Variants in KIF20B observed in about 807,000 individuals in gnomAD.
The protein encoded by KIF20B is kinesin-like protein KIF20B.
In KIF20B, 188 loss-of-function variants were observed where a neutral mutation model predicts 232.5. The observed-to-expected ratio is 0.81, with a 90% CI of 0.72 to 0.91. The LOEUF (loss-of-function observed/expected upper bound fraction) is 0.91, where lower values mean the gene tolerates loss of function less well. Ranked by LOEUF, KIF20B falls within the 40% of genes least tolerant of loss-of-function variation. The pLI is 0.00. For synonymous variants in KIF20B, 712 were observed against 683.0 expected, an observed-to-expected ratio of 1.04 and a Z score of -0.66; for missense variants, 2,154 against 2,055.9, an observed-to-expected ratio of 1.05 and a Z score of -0.92.
At chr10:89,702,820 T>C (rs1014394963) in intron 1 of KIF20B, among the ~76,000 whole-genome samples, 1 of 152,118 alleles carries the variant, frequency 6.6e-6, no homozygotes, top group Admixed American at 6.6e-5. Context: ...TAGGTAGTCT[T>C]TATCCCTGCA....
At chr10:89,748,104 G>C (rs750787134) in intron 23 of KIF20B, among the ~76,000 whole-genome samples, 6 of 152,172 alleles carry the variant, frequency 3.9e-5, no homozygotes, top group Non-Finnish European at 7.3e-5. Flanking sequence ...CCGCCTTCCT[G>C]GTTCAAGTGA....
In KIF20B at chr10:89,745,627, G is replaced by A. The variant is rs140688199; in HGVS notation, c.4036-272G>A. 3.2e-3 allele frequency among the ~76,000 whole-genome samples: 484 copies of A among 150,768 alleles called. 4 individuals are homozygous for A. The highest frequency in any genetic ancestry group is 0.011 in the African/African-American group (450 of 40,938). On this transcript the variant is annotated intron_variant, in intron 22 of 32. Coordinates refer to ENST00000371728, the MANE Select transcript of KIF20B (RefSeq NM_001284259.2). ...TTTTTATTTTTTGAGATGGAGTCTCGCTTTGTCGCCAGGCTGGAGTACAGT... is the reference window on the plus strand; with the variant it reads ...TTTTTATTTTTTGAGATGGAGTCTCACTTTGTCGCCAGGCTGGAGTACAGT...
Position 89,773,956 on chromosome 10 carries a change from A to C in KIF20B, c.5386-15A>C, listed in dbSNP as rs764038536. Reference sequence around the variant, plus strand: ...ACTTACAAGCTTTGAAAAACTATGAAATTTTTAATTTCAGATTTTAATGGA... The same window carrying C: ...ACTTACAAGCTTTGAAAAACTATGACATTTTTAATTTCAGATTTTAATGGA... On this transcript the variant is annotated splice_polypyrimidine_tract_variant and intron_variant, in intron 32 of 32. Coordinates refer to ENST00000371728, the MANE Select transcript of KIF20B (RefSeq NM_001284259.2). The C allele has an allele frequency of 4.7e-6, 7 of 1,491,696 alleles. No individual in the cohort carries two copies. The highest frequency in any genetic ancestry group is 5.5e-6 in the Non-Finnish European group (6 of 1,097,138). The allele number at this position is 1,491,696 out of a possible 1,614,324, so 92.4% of individuals were successfully genotyped here.
intron 23 of KIF20B, among the ~76,000 whole-genome samples, chr10:89,747,670 G>T (rs532334481): frequency 2.6e-5 from 4 of 151,924 alleles, no homozygotes; most frequent in African/African-American, 7.3e-5. Context: ...CTCACTCGTA[G>T]GTGGGAATTG....
intron 2 of KIF20B, among the ~76,000 whole-genome samples, chr10:89,706,314 G>C (rs1323444408): frequency 6.6e-6 from 1 of 151,954 alleles, no homozygotes; most frequent in Non-Finnish European, 1.5e-5. Context: ...ATTTAAATTA[G>C]GTTGTTTCAT....
At chr10:89,718,457 G>A (rs1265751643) in intron 11 of KIF20B, among the ~76,000 whole-genome samples, 1 of 152,234 alleles carries the variant, frequency 6.6e-6, no homozygotes, top group Non-Finnish European at 1.5e-5. Flanking sequence ...GCTACAGTGA[G>A]CTCTGATTGT....
At chr10:89,741,607 C>T (rs985678069) in intron 21 of KIF20B, among the ~76,000 whole-genome samples, 8 of 152,176 alleles carry the variant, frequency 5.3e-5, no homozygotes, top group African/African-American at 1.9e-4. Context: ...CTGTTTTTAA[C>T]TTCCATTTTG....
At chr10:89,705,194 A>T in intron 1 of KIF20B, 100 bp from the exon 2 acceptor site, 1 of 923,000 alleles carries the variant, frequency 1.1e-6, no homozygotes, top group Non-Finnish European at 1.7e-6. Context: ...TCTAAAATCT[A>T]GTTATTTGGA....
At chr10:89,771,466 G>A (rs965332441) in intron 31 of KIF20B, among the ~76,000 whole-genome samples, 17 of 151,932 alleles carry the variant, frequency 1.1e-4, no homozygotes, top group African/African-American at 3.9e-4. Context: ...TACCTGACAA[G>A]CTTCCCTTCC....
chr10:89,758,810 G>T lies in KIF20B; in HGVS notation c.4608G>T (p.Leu1536=), dbSNP rs1384977631. 6.2e-7 allele frequency: 1 copy of T among 1,606,502 alleles called. No individual in the cohort carries two copies. The highest frequency in any genetic ancestry group is 1.1e-5 in the South Asian group (1 of 89,978). ...CTTTAGAAATACAGCTAAAAGCACT[G>T]ATATCCAGTAATGTACAGAAAGATA... ...VAALEIQLKA[L]ISSNVQKDNE... Residue 1536 remains leucine, a synonymous_variant, in exon 27 of 33, where the codon CTG becomes CTT. Coordinates refer to ENST00000371728, the MANE Select transcript of KIF20B (RefSeq NM_001284259.2).
Position 89,758,750 on chromosome 10 carries a change from A to C in KIF20B, c.4548A>C (p.Gln1516His). The change falls in exon 27 of 33, where the codon CAA becomes CAC. Residue 1516 changes from glutamine to histidine, a missense_variant. Coordinates refer to ENST00000371728, the MANE Select transcript of KIF20B (RefSeq NM_001284259.2). ...AQLTEKDSDLQKWREERDQLV... is the reference protein window; with the variant it reads ...AQLTEKDSDLHKWREERDQLV... ...TGACAGAGAAAGATAGTGACCTTCA[A>C]AAGTGGCGAGAAGAACGAGATCAAC... 6.2e-7 allele frequency: 1 copy of C among 1,607,834 alleles called. No homozygotes were observed. The highest frequency in any genetic ancestry group is 8.5e-7 in the Non-Finnish European group (1 of 1,177,182).
chr10:89,715,322 T>C, intron 8 of KIF20B, 140 bp downstream of exon 8: 1 of 637,628 alleles, frequency 1.6e-6, no homozygotes, highest in South Asian at 1.9e-5. Context: ...AATTTTGTGC[T>C]TTGGAAGTAT....
In KIF20B at chr10:89,718,830, T is replaced by C. The variant is rs749205467; in HGVS notation, c.1392T>C (p.Asp464=). 1.9e-6 allele frequency: 3 copies of C among 1,606,316 alleles called. No individual in the cohort carries two copies. Among genetic ancestry groups the C allele is most frequent in the Admixed American group, 1.7e-5 (1 of 58,674 alleles). ...VNISQCYLAY[D]ETLNVLKFSA... ...TCAGCCAATGTTATTTAGCCTATGA[T>C]GAAACACTCAATGTATTGAAGTTCT... Residue 464 remains aspartate (D), a synonymous_variant, in exon 12 of 33, where the codon GAT becomes GAC. Transcript: ENST00000371728.
chr10:89,723,899 T>G (rs1843119461), intron 13 of KIF20B, 65 bp from the exon 14 acceptor site: 3 of 1,222,926 alleles, frequency 2.5e-6, no homozygotes, highest in Non-Finnish European at 2.2e-6. Context: ...TTTGAACAGT[T>G]GGACGGTATT....
At chr10:89,752,515 T>A (rs1842041482) in intron 24 of KIF20B, 52 bp from the exon 25 acceptor site, 1 of 1,393,094 alleles carries the variant, frequency 7.2e-7, no homozygotes, top group Admixed American at 2.2e-5. Context: ...TATCTCTACA[T>A]GGTATAACTT....
chr10:89,765,560 A>C (rs1474145922), intron 29 of KIF20B, among the ~76,000 whole-genome samples: 1 of 152,128 alleles, frequency 6.6e-6, no homozygotes, highest in Admixed American at 6.6e-5. Flanking sequence ...GGAACCAAAA[A>C]AGAGCCCGCA....
In KIF20B at chr10:89,738,270, T is replaced by G; in HGVS notation, c.3429T>G (p.Val1143=). The G allele has an allele frequency of 1.2e-6, 2 of 1,610,602 alleles. No homozygotes were observed. The highest frequency in any genetic ancestry group is 1.7e-6 in the Non-Finnish European group (2 of 1,179,102). Residue 1143 remains valine (V), a synonymous_variant, in exon 20 of 33, where the codon GTT becomes GTG. Coordinates refer to ENST00000371728, the MANE Select transcript of KIF20B (RefSeq NM_001284259.2). The part of the protein sequence containing the change: ...VTLDVQIQHV[V]EGKRALSELT... ...TTGATGTTCAAATACAGCATGTAGT[T>G]GAAGGAAAGAGAGCGCTTTCAGAAC...
chr10:89,706,848 C>T (rs1842734092), intron 2 of KIF20B, among the ~76,000 whole-genome samples: 1 of 151,988 alleles, frequency 6.6e-6, no homozygotes, highest in Non-Finnish European at 1.5e-5. Context: ...AGTGTGAATT[C>T]TCCAGTTTTG....
intron 27 of KIF20B, among the ~76,000 whole-genome samples, chr10:89,759,877 A>G (rs1441618602): frequency 1.3e-5 from 2 of 152,052 alleles, no homozygotes; most frequent in Non-Finnish European, 2.9e-5. Context: ...TTTGATTTTG[A>G]TGGCTGTGAT....
Sources: gnomAD v4.1 joint callset for allele counts (sites outside exome capture counted in the v4.1 genomes callset) on GRCh38, gnomAD v4.1.1 for gene constraint, MANE v1.5 for transcripts, NCBI Gene and HGNC (gene_info 2026-07-23, HGNC 2026-07-21) for gene names.